Variants in SPTBN1 observed in about 807,000 individuals in gnomAD.
SPTBN1 encodes spectrin beta chain, non-erythrocytic 1.
Under a neutral mutation model 266.4 loss-of-function variants are expected in SPTBN1, and 32 were observed. The observed-to-expected ratio is 0.12, with a 90% CI of 0.09 to 0.16. The LOEUF is 0.16. SPTBN1 is among the 10% of genes least tolerant of loss of function. The probability of loss-of-function intolerance (pLI) is 1.00; values close to 1 mark genes in which losing one functional copy is unlikely to be tolerated. For missense variants in SPTBN1, 2,296 were observed against 3,067.1 expected, an observed-to-expected ratio of 0.75 and a Z score of 5.94; for synonymous variants, 1,336 against 1,162.2, an observed-to-expected ratio of 1.15 and a Z score of -3.04.
At chr2:54,499,815 A>G (rs1002136270) in intron 1 of SPTBN1, among the ~76,000 whole-genome samples, 2 of 152,182 alleles carry the variant, frequency 1.3e-5, no homozygotes, top group Non-Finnish European at 2.9e-5. Context: ...CTCACTATGA[A>G]CTAATAGTAC....
chr2:54,595,440 G>C (rs1255440340), intron 2 of SPTBN1, among the ~76,000 whole-genome samples: 1 of 152,226 alleles, frequency 6.6e-6, no homozygotes, highest in African/African-American at 2.4e-5. Context: ...AGCTGCGTCA[G>C]CTTCTTGGGG....
intron 2 of SPTBN1, among the ~76,000 whole-genome samples, chr2:54,584,691 T>G (rs974475995): frequency 6.6e-6 from 1 of 152,186 alleles, no homozygotes; most frequent in Non-Finnish European, 1.5e-5. Flanking sequence ...ATGGAGGCTG[T>G]TGAGAAGCAG....
intron 1 of SPTBN1, among the ~76,000 whole-genome samples, chr2:54,523,608 C>A (rs1023562631): frequency 1.3e-5 from 2 of 152,186 alleles, no homozygotes; most frequent in African/African-American, 4.8e-5. Flanking sequence ...TTGCATGTGG[C>A]ATGTGTGGTT....
At position 54,637,643 on chromosome 2, in the gene SPTBN1, G is replaced by T. The variant is rs1572726905; in HGVS notation, c.3768-70G>T. On this transcript the variant is annotated intron_variant, in intron 17 of 35. Transcript: ENST00000356805. ...TAGTTAGGAATTCAGGAAATAAATT[G>T]ATTTGTATTCTGTATTTCAAGATTC... is the stretch of plus-strand genomic sequence containing the variant. 4.9e-6 allele frequency: 6 copies of T among 1,226,150 alleles called. No individual in the cohort carries two copies. The South Asian group carries it at 7.9e-5, about 16-fold the overall frequency. 76.0% of individuals were successfully genotyped at this position (1,226,150 alleles called of 1,614,324 possible). A position where few individuals can be genotyped will look rare whatever the true frequency, so the allele number is the denominator to read the frequency against.
chr2:54,478,898 GTGTGTATATATA>G (rs1001157246), intron 1 of SPTBN1, among the ~76,000 whole-genome samples: 9 of 146,278 alleles, frequency 6.2e-5, no homozygotes, highest in African/African-American at 2.2e-4. Flanking sequence ...ATGTGAGTGT[GTGTGTATATATA>G]TGTGTATATA....
intron 1 of SPTBN1, among the ~76,000 whole-genome samples, chr2:54,505,960 T>TA (rs1033054873): frequency 6.6e-5 from 10 of 151,472 alleles, no homozygotes; most frequent in African/African-American, 1.7e-4. Context: ...CCATCTCTAC[T>TA]AAAAAAACAA....
intron 2 of SPTBN1, among the ~76,000 whole-genome samples, chr2:54,577,029 G>C (rs1159964887): frequency 6.6e-6 from 1 of 152,186 alleles, no homozygotes; most frequent in Admixed American, 6.5e-5. Flanking sequence ...GGAATGGCTA[G>C]AATTCTACTT....
Position 54,668,818 on chromosome 2 carries a change from G to T in SPTBN1, c.*249G>T. ...TTTTTTAATGAAATTATATAGATTAGATCTCAGTATTTAAACTGTTCCTCA... is the reference window on the plus strand; with the variant it reads ...TTTTTTAATGAAATTATATAGATTATATCTCAGTATTTAAACTGTTCCTCA... On this transcript the variant is annotated 3_prime_UTR_variant, in exon 36 of 36. Coordinates refer to ENST00000356805, the MANE Select transcript of SPTBN1 (RefSeq NM_003128.3). 1 of 455,192 alleles carries T rather than the reference G, an allele frequency of 2.2e-6. No homozygotes were observed. The highest frequency in any genetic ancestry group is 4.0e-6 in the Non-Finnish European group (1 of 251,532). 28.2% of individuals were successfully genotyped at this position (455,192 alleles called of 1,614,324 possible).
At chr2:54,617,577 T>A in intron 5 of SPTBN1, 31 bp from the exon 6 acceptor site, 3 of 1,609,670 alleles carry the variant, frequency 1.9e-6, no homozygotes, top group African/African-American at 2.7e-5. Flanking sequence ...GGTAATTGTG[T>A]TGCTTTTCCC....
intron 2 of SPTBN1, among the ~76,000 whole-genome samples, chr2:54,565,359 A>G (rs1244082072): frequency 6.6e-6 from 1 of 152,184 alleles, no homozygotes; most frequent in Non-Finnish European, 1.5e-5. Flanking sequence ...ACAGTGGGAA[A>G]AACATTAGCT....
At position 54,670,948 on chromosome 2, in the gene SPTBN1, T is replaced by G. The variant is rs541189406; in HGVS notation, c.*2379T>G. ...CAAGCCTGGCAGGGTAAATAGTTTTTGGGTTTTTTGTTTTTTTTTTATTCT... is the reference window on the plus strand; with the variant it reads ...CAAGCCTGGCAGGGTAAATAGTTTTGGGGTTTTTTGTTTTTTTTTTATTCT... On this transcript the variant is annotated 3_prime_UTR_variant, in exon 36 of 36. Transcript: ENST00000356805. The G allele has an allele frequency of 3.7e-4, 147 of 397,412 alleles. 1 individual carries two copies. Among genetic ancestry groups the G allele is most frequent in the African/African-American group, 2.8e-3 (137 of 48,670 alleles). 24.6% of individuals were successfully genotyped at this position (397,412 alleles called of 1,614,324 possible).
intron 32 of SPTBN1, chr2:54,661,338 C>A: frequency 2.0e-6 from 2 of 985,826 alleles, no homozygotes; most frequent in Non-Finnish European, 2.4e-6. Context: ...TTCACTTGCT[C>A]TTTTGCCATA....
chr2:54,632,475 G>A (rs945013290), intron 16 of SPTBN1, 91 bp from the exon 17 acceptor site: 7 of 1,271,824 alleles, frequency 5.5e-6, no homozygotes, highest in African/African-American at 3.0e-5. Context: ...AATGAAGAAA[G>A]TGTTGTGAAC....
intron 6 of SPTBN1, 93 bp downstream of exon 6, chr2:54,617,781 T>G (rs1677707619): frequency 8.0e-7 from 1 of 1,245,964 alleles, no homozygotes; most frequent in Admixed American, 1.9e-5. Context: ...TCCGTTGGCT[T>G]AACTGTCTCA....
rs1451363151 is a variant in SPTBN1 at position 54,653,325 on chromosome 2, C to T, written c.5578-284C>T. 7 of 365,010 alleles carry T rather than the reference C, an allele frequency of 1.9e-5. No homozygotes were observed. Among genetic ancestry groups the T allele is most frequent in the Non-Finnish European group, 2.4e-5 (5 of 205,136 alleles). The allele number at this position is 365,010 out of a possible 1,614,324, so 22.6% of individuals were successfully genotyped here. ...GTCCCACTCAGATATCCCAGGCTGC[C>T]TCCAGGGGACTTTCCCTGACTAAAC... On this transcript the variant is annotated intron_variant, in intron 26 of 35. Transcript: ENST00000356805. The surrounding 1 kb of genome is among the most constrained non-coding windows in gnomAD (Gnocchi z 5.1).
intron 1 of SPTBN1, among the ~76,000 whole-genome samples, chr2:54,504,854 A>G (rs1291070636): frequency 6.6e-6 from 1 of 152,194 alleles, no homozygotes; most frequent in African/African-American, 2.4e-5. Flanking sequence ...AGTGATAAAT[A>G]TTTCCAGTGG....
intron 2 of SPTBN1, among the ~76,000 whole-genome samples, chr2:54,593,189 G>A (rs1383364407): frequency 6.6e-6 from 1 of 152,038 alleles, no homozygotes. Context: ...TTATCTCTGA[G>A]CCTGTGGAAC....
intron 19 of SPTBN1, among the ~76,000 whole-genome samples, chr2:54,644,089 G>C (rs1249325426): frequency 6.6e-5 from 10 of 152,138 alleles, no homozygotes; most frequent in African/African-American, 2.2e-4. Flanking sequence ...CGTTGCCCCA[G>C]TTGAGACTAT....
At chr2:54,584,438 T>C (rs1675148773) in intron 2 of SPTBN1, among the ~76,000 whole-genome samples, 1 of 152,244 alleles carries the variant, frequency 6.6e-6, no homozygotes, top group African/African-American at 2.4e-5. Context: ...ATGGAGGAAA[T>C]ACATACTATA....
Sources: allele counts gnomAD v4.1 joint callset (sites outside exome capture counted in the v4.1 genomes callset), GRCh38; gene constraint gnomAD v4.1.1; non-coding constraint Gnocchi (gnomAD v3.1); transcripts MANE v1.5; gene names NCBI Gene and HGNC (gene_info 2026-07-23, HGNC 2026-07-21).